The following FHIT variants were observed in gnomAD, a reference collection of about 807,000 sequenced individuals.
FHIT encodes the protein fragile histidine triad diadenosine triphosphatase.
FHIT carries 19 observed loss-of-function variants against 17.9 expected under a neutral mutation model. The observed-to-expected ratio is 1.06, with a 90% CI of 0.74 to 1.56. FHIT has a LOEUF of 1.56. FHIT is among the 40% of genes most tolerant of loss of function. The pLI is 0.00. For synonymous variants in FHIT, 81 were observed against 69.7 expected (o/e 1.16, Z -0.81); for missense variants, 248 against 189.2 (o/e 1.31, Z -1.82).
intron 7 of FHIT, among the ~76,000 whole-genome samples, chr3:59,929,433 C>T (rs555819388): frequency 2.9e-5 from 4 of 138,836 alleles, no homozygotes; most frequent in South Asian, 4.7e-4. Flanking sequence ...TGCAGTGGCA[C>T]GATCTCGGCT....
chr3:60,238,095 G>A (rs1348563024), intron 5 of FHIT, among the ~76,000 whole-genome samples: 2 of 144,806 alleles, frequency 1.4e-5, no homozygotes, highest in African/African-American at 2.6e-5. Context: ...GCAGTGAGCC[G>A]AGATTGTACC....
At chr3:60,984,134 T>G (rs988793354) in intron 3 of FHIT, among the ~76,000 whole-genome samples, 4 of 152,216 alleles carry the variant, frequency 2.6e-5, no homozygotes, top group African/African-American at 9.6e-5. Context: ...ATGACAGCTT[T>G]TCCAGAACTG....
chr3:59,986,540 T>TACACACACAC (rs1315976727), intron 7 of FHIT, among the ~76,000 whole-genome samples: 62 of 12,414 alleles, frequency 5.0e-3, no homozygotes, highest in African/African-American at 0.015. Context: ...TATATATATA[T>TACACACACAC]ACACACACAC....
intron 5 of FHIT, among the ~76,000 whole-genome samples, chr3:60,216,492 G>T (rs918232505): frequency 6.6e-6 from 1 of 152,166 alleles, no homozygotes; most frequent in East Asian, 1.9e-4. Context: ...ACTGGGGTAA[G>T]AGAGAATATT....
chr3:60,118,776 G>GC (rs1470514638), intron 5 of FHIT, among the ~76,000 whole-genome samples: 3 of 18,206 alleles, frequency 1.6e-4, no homozygotes, highest in Non-Finnish European at 2.9e-4. Context: ...GGGGGCGGCG[G>GC]GGGGGGGGGG....
At chr3:60,579,735 T>G (rs1328300005) in intron 4 of FHIT, among the ~76,000 whole-genome samples, 1 of 152,180 alleles carries the variant, frequency 6.6e-6, no homozygotes, top group Non-Finnish European at 1.5e-5. Flanking sequence ...CTGTTTCAAT[T>G]TGAGAAGGGA....
chr3:61,221,160 G>A (rs1465902903), intron 1 of FHIT, among the ~76,000 whole-genome samples: 1 of 152,232 alleles, frequency 6.6e-6, no homozygotes, highest in African/African-American at 2.4e-5. Context: ...GCAGTAAATT[G>A]TGCCACCCCA....
At chr3:59,957,463 A>G (rs1048170082) in intron 7 of FHIT, among the ~76,000 whole-genome samples, 1 of 152,238 alleles carries the variant, frequency 6.6e-6, no homozygotes, top group Non-Finnish European at 1.5e-5. Context: ...CCTAATCTGT[A>G]GCATTTTTGT....
intron 8 of FHIT, among the ~76,000 whole-genome samples, chr3:59,772,767 C>G (rs1702130423): frequency 6.6e-6 from 1 of 152,130 alleles, no homozygotes; most frequent in African/African-American, 2.4e-5. Context: ...TTAGACCACC[C>G]AGAAGAGCTC....
chr3:60,178,899 G>C (rs974657592), intron 5 of FHIT, among the ~76,000 whole-genome samples: 3 of 152,092 alleles, frequency 2.0e-5, no homozygotes, highest in African/African-American at 7.2e-5. Flanking sequence ...TTCTCCTAAA[G>C]CGTTTTAGCT....
intron 3 of FHIT, among the ~76,000 whole-genome samples, chr3:60,935,558 G>C (rs541225229): frequency 2.6e-5 from 4 of 152,218 alleles, no homozygotes; most frequent in Non-Finnish European, 4.4e-5. Flanking sequence ...AATCCACACA[G>C]AAATGGCCCC....
intron 1 of FHIT, among the ~76,000 whole-genome samples, chr3:61,213,203 A>G (rs1175748402): frequency 6.6e-6 from 1 of 152,230 alleles, no homozygotes; most frequent in Admixed American, 6.5e-5. Flanking sequence ...TAAAAGACAC[A>G]GACTGGCAAA....
intron 5 of FHIT, among the ~76,000 whole-genome samples, chr3:60,106,270 T>C (rs1442218884): frequency 6.6e-6 from 1 of 152,214 alleles, no homozygotes; most frequent in African/African-American, 2.4e-5. Flanking sequence ...AGTCCCAAAG[T>C]ATCTCTTTTA....
chr3:61,044,711 A>G (rs1009699096), intron 2 of FHIT, among the ~76,000 whole-genome samples: 2 of 152,216 alleles, frequency 1.3e-5, no homozygotes, highest in African/African-American at 4.8e-5. Flanking sequence ...TGAAGGAAAA[A>G]ATATTAAGGG....
At chr3:61,036,229 C>T (rs1361163905) in intron 3 of FHIT, among the ~76,000 whole-genome samples, 2 of 152,070 alleles carry the variant, frequency 1.3e-5, no homozygotes, top group Admixed American at 6.6e-5. Flanking sequence ...GTTCCACACA[C>T]CTTTGAACAG....
At chr3:59,951,114 T>C (rs906644158) in intron 7 of FHIT, among the ~76,000 whole-genome samples, 3 of 152,180 alleles carry the variant, frequency 2.0e-5, no homozygotes, top group Non-Finnish European at 2.9e-5. Context: ...GTGTTATGCA[T>C]GGAAACAGCA....
intron 2 of FHIT, among the ~76,000 whole-genome samples, chr3:61,078,928 C>T (rs909578675): frequency 7.9e-5 from 12 of 151,990 alleles, no homozygotes; most frequent in African/African-American, 2.9e-4. Flanking sequence ...TATATGAATA[C>T]AATTTAAAGA....
intron 2 of FHIT, among the ~76,000 whole-genome samples, chr3:61,089,091 T>G (rs116055126): frequency 2.9e-3 from 438 of 152,268 alleles, no homozygotes; most frequent in African/African-American, 9.9e-3. Context: ...CCAGTGGTAC[T>G]CAGACTTTTT....
intron 7 of FHIT, among the ~76,000 whole-genome samples, chr3:59,945,279 G>A (rs927233604): frequency 5.3e-5 from 8 of 152,160 alleles, no homozygotes; most frequent in Admixed American, 3.3e-4. Flanking sequence ...GATTAGTGAT[G>A]TTGAGCATTT....
Sources: allele counts gnomAD v4.1 joint callset (sites outside exome capture counted in the v4.1 genomes callset), GRCh38; gene constraint gnomAD v4.1.1; transcripts MANE v1.5; gene names NCBI Gene and HGNC (gene_info 2026-07-23, HGNC 2026-07-21).